The following PPP1R12A variants were observed in gnomAD, a reference collection of about 807,000 sequenced individuals.
PPP1R12A encodes the protein protein phosphatase 1 regulatory subunit 12A, also known as myosin binding subunit.
A neutral mutation model predicts 139.6 loss-of-function variants in PPP1R12A; 19 were observed. The ratio of observed to expected loss-of-function variants is 0.14; its 90% CI spans 0.09 to 0.20. The LOEUF (loss-of-function observed/expected upper bound fraction) is 0.20. Ranked by LOEUF, PPP1R12A falls within the 10% of genes least tolerant of loss-of-function variation. The pLI, the probability that PPP1R12A is intolerant of heterozygous loss-of-function variation, is 1.00. For synonymous variants in PPP1R12A, 427 were observed against 420.6 expected (o/e 1.02, Z -0.19); for missense variants, 925 against 1,211.5 (o/e 0.76, Z 3.51).
chr12:79,875,652 T>A (rs1273288609), intron 1 of PPP1R12A, among the ~76,000 whole-genome samples: 2 of 152,232 alleles, frequency 1.3e-5, no homozygotes, highest in East Asian at 3.8e-4. Flanking sequence ...TGCCAAAAGA[T>A]CTTTGTTGGA....
chr12:79,908,146 C>T (rs981864656), intron 1 of PPP1R12A, among the ~76,000 whole-genome samples: 18 of 152,136 alleles, frequency 1.2e-4, no homozygotes, highest in African/African-American at 4.3e-4. Flanking sequence ...CCATATAAGG[C>T]TTTCTTTAAA....
At position 79,913,100 on chromosome 12, in the gene PPP1R12A, A is replaced by G. The variant is rs370277468; in HGVS notation, c.237+21595T>C. Among the ~76,000 whole-genome samples the G allele has an allele frequency of 5.3e-5, 8 of 152,300 alleles. No individual in the cohort carries two copies. In the East Asian group the frequency reaches 1.5e-3, roughly 29 times the overall value. ...GCTCTTAATTTGCATTTCTCTGGTG[A>G]ATGAGATTGAATAACTTTTTGTATG... On this transcript the variant is annotated intron_variant, in intron 1 of 24. Coordinates refer to ENST00000450142, the MANE Select transcript of PPP1R12A (RefSeq NM_002480.3).
At chr12:79,810,216 G>A (rs1170227494) in intron 9 of PPP1R12A, among the ~76,000 whole-genome samples, 4 of 152,106 alleles carry the variant, frequency 2.6e-5, no homozygotes, top group Non-Finnish European at 5.9e-5. Context: ...CTTCCTAGGG[G>A]TTAGACTTAA....
intron 1 of PPP1R12A, among the ~76,000 whole-genome samples, chr12:79,883,474 G>A (rs1411498716): frequency 6.6e-6 from 1 of 151,968 alleles, no homozygotes; most frequent in African/African-American, 2.4e-5. Context: ...AAATGTTCAA[G>A]GTTTAATGAA....
At position 79,795,713 on chromosome 12, in the gene PPP1R12A, T is replaced by C. The variant is rs1565742813; in HGVS notation, c.2508A>G (p.Gln836=). Residue 836 remains glutamine, a synonymous_variant, in exon 18 of 25, where the codon CAA becomes CAG. Transcript: ENST00000450142. ...GTCGTCGTTCTCTGATTGATTTAGG[T>C]TGTGATTTATCTTCTCCTTCTTTCT... ...EEEKEGEDKS[Q]PKSIRERRRP... The C allele has an allele frequency of 6.2e-7, 1 of 1,611,918 alleles. No homozygotes were observed. Among genetic ancestry groups the C allele is most frequent in the Non-Finnish European group, 8.5e-7 (1 of 1,178,736 alleles).
intron 3 of PPP1R12A, among the ~76,000 whole-genome samples, chr12:79,833,846 G>GAAAAAA (rs371589074): frequency 1.7e-5 from 2 of 116,782 alleles, no homozygotes; most frequent in African/African-American, 3.5e-5. Context: ...CAAAGAAAAG[G>GAAAAAA]AAAAAAAAAA....
At chr12:79,894,181 T>TA (rs1555238069) in intron 1 of PPP1R12A, among the ~76,000 whole-genome samples, 1 of 152,104 alleles carries the variant, frequency 6.6e-6, no homozygotes, top group Non-Finnish European at 1.5e-5. Flanking sequence ...CAATAGCATA[T>TA]AATGTTCTGT....
chr12:79,878,911 T>A (rs1209543277), intron 1 of PPP1R12A, among the ~76,000 whole-genome samples: 1 of 152,110 alleles, frequency 6.6e-6, no homozygotes, highest in Non-Finnish European at 1.5e-5. Flanking sequence ...ACTAAAAAAA[T>A]TCACACAAGA....
At chr12:79,871,730 T>C (rs1009853733) in intron 2 of PPP1R12A, among the ~76,000 whole-genome samples, 3 of 152,204 alleles carry the variant, frequency 2.0e-5, no homozygotes, top group East Asian at 1.9e-4. Context: ...AAGTCTTCTG[T>C]TGAGCAGGAA....
At chr12:79,856,969 G>T (rs949321701) in intron 2 of PPP1R12A, among the ~76,000 whole-genome samples, 1 of 152,200 alleles carries the variant, frequency 6.6e-6, no homozygotes, top group African/African-American at 2.4e-5. Flanking sequence ...CCAGTTAAAA[G>T]AACTTTATCA....
At chr12:79,933,941 C>T (rs1201240466) in intron 1 of PPP1R12A, among the ~76,000 whole-genome samples, 1 of 152,138 alleles carries the variant, frequency 6.6e-6, no homozygotes, top group Non-Finnish European at 1.5e-5. Flanking sequence ...CAGTGCACAC[C>T]CGAGGACCTG....
At chr12:79,848,998 T>C (rs1042914383) in intron 2 of PPP1R12A, 2 of 151,688 alleles carry the variant, frequency 1.3e-5, no homozygotes, top group Non-Finnish European at 2.9e-5. Context: ...AGTTATAAGT[T>C]ATATATATAT....
intron 2 of PPP1R12A, among the ~76,000 whole-genome samples, chr12:79,855,752 A>G (rs1015938431): frequency 1.3e-5 from 2 of 152,144 alleles, no homozygotes; most frequent in Admixed American, 1.3e-4. Flanking sequence ...TAAAGACTAC[A>G]AATAGCCTCC....
chr12:79,837,677 TAGTG>T (rs1878245164), intron 3 of PPP1R12A, among the ~76,000 whole-genome samples: 1 of 152,190 alleles, frequency 6.6e-6, no homozygotes, highest in African/African-American at 2.4e-5. Flanking sequence ...GTTCTTGTGA[TAGTG>T]AGTGAGTTCT....
chr12:79,925,200 C>CTAT (rs1247482185), intron 1 of PPP1R12A, among the ~76,000 whole-genome samples: 1 of 151,962 alleles, frequency 6.6e-6, no homozygotes, highest in Non-Finnish European at 1.5e-5. Flanking sequence ...ATTTTGAAGG[C>CTAT]TAATAAAATA....
At chr12:79,925,331 G>T (rs1887757215) in intron 1 of PPP1R12A, among the ~76,000 whole-genome samples, 1 of 151,896 alleles carries the variant, frequency 6.6e-6, no homozygotes, top group African/African-American at 2.4e-5. Flanking sequence ...TCTTTAAGAG[G>T]GTGCCAAGTG....
chr12:79,814,936 C>A (rs1427447030), intron 9 of PPP1R12A, among the ~76,000 whole-genome samples: 1 of 150,786 alleles, frequency 6.6e-6, no homozygotes, highest in African/African-American at 2.4e-5. Flanking sequence ...AGTTATGGTG[C>A]TTGAAACTGA....
At chr12:79,919,712 T>G (rs1887293248) in intron 1 of PPP1R12A, among the ~76,000 whole-genome samples, 1 of 152,160 alleles carries the variant, frequency 6.6e-6, no homozygotes, top group South Asian at 2.1e-4. Flanking sequence ...CTACAAGCTG[T>G]GTTAGGGCAG....
intron 14 of PPP1R12A, among the ~76,000 whole-genome samples, chr12:79,803,842 C>T (rs1873491037): frequency 6.6e-6 from 1 of 152,036 alleles, no homozygotes. Context: ...TCTTCAATGT[C>T]TTCCATTAAA....
Sources: allele counts gnomAD v4.1 joint callset (sites outside exome capture counted in the v4.1 genomes callset), GRCh38; gene constraint gnomAD v4.1.1; transcripts MANE v1.5; gene names NCBI Gene and HGNC (gene_info 2026-07-23, HGNC 2026-07-21).